Variants in DNAJC17 observed in about 807,000 individuals in gnomAD.
DNAJC17 encodes dnaJ homolog subfamily C member 17.
Under a neutral mutation model 48.1 loss-of-function variants are expected in DNAJC17, and 35 were observed. That is an observed-to-expected ratio of 0.73 (90% CI 0.56 to 0.96). The LOEUF (loss-of-function observed/expected upper bound fraction) is 0.96, where lower values mean the gene tolerates loss of function less well. Among genes scored for constraint, DNAJC17 ranks in the 50% least tolerant of loss-of-function variants. The probability of loss-of-function intolerance (pLI) is 0.00; values close to 1 mark genes in which losing one functional copy is unlikely to be tolerated. For missense variants in DNAJC17, 355 were observed against 377.1 expected, an observed-to-expected ratio of 0.94 and a Z score of 0.48; for synonymous variants, 117 against 142.7, an observed-to-expected ratio of 0.82 and a Z score of 1.28.
chr15:40,787,862 A>G lies in DNAJC17; in HGVS notation c.79-7865T>C, dbSNP rs531960493. Among the ~76,000 whole-genome samples the G allele has an allele frequency of 1.6e-4, 24 of 152,346 alleles. No individual in the cohort carries two copies. In the East Asian group the frequency reaches 4.6e-3, roughly 29 times the overall value. ...GGGATCCAATAAATACAAAATAGCC[A>G]TCATTAACTTAAAAGAAAGGTGCCC... On this transcript the variant is annotated intron_variant, in intron 1 of 10. Coordinates refer to ENST00000220496, the MANE Select transcript of DNAJC17 (RefSeq NM_018163.3).
At chr15:40,771,955 C>T (rs1889154512) in intron 10 of DNAJC17, 1 of 167,068 alleles carries the variant, frequency 6.0e-6, no homozygotes, top group Non-Finnish European at 1.5e-5. Flanking sequence ...AGGAAGGCAG[C>T]TCTAGAGAAT....
chr15:40,800,849 C>G (rs919565317), intron 1 of DNAJC17, among the ~76,000 whole-genome samples: 1 of 151,806 alleles, frequency 6.6e-6, no homozygotes, highest in Non-Finnish European at 1.5e-5. Context: ...ATCTCGGCTA[C>G]TCCGGAGACT....
At position 40,767,446 on chromosome 15, in the gene DNAJC17, T is replaced by A; in HGVS notation, c.*494A>T. The A allele has an allele frequency of 7.4e-7, 1 of 1,344,546 alleles. No individual in the cohort carries two copies. Among genetic ancestry groups the A allele is most frequent in the African/African-American group, 1.5e-5 (1 of 65,820 alleles). 83.3% of individuals were successfully genotyped at this position (1,344,546 alleles called of 1,614,324 possible). A position where few individuals can be genotyped will look rare whatever the true frequency, so the allele number is the denominator to read the frequency against. On this transcript the variant is annotated 3_prime_UTR_variant, in exon 11 of 11. Transcript: ENST00000220496. ...TGCCTCACCGTCTGCCTTGCTCCTC[T>A]CTTCCCAAATCATCACCGCCATGGG...
In DNAJC17 at chr15:40,765,531, C is replaced by T. The variant is rs1211980367; in HGVS notation, c.*2409G>A. 1.7e-5 allele frequency: 4 copies of T among 230,350 alleles called. No homozygotes were observed. Among genetic ancestry groups the T allele is most frequent in the Non-Finnish European group, 3.3e-5 (4 of 119,512 alleles). The allele number at this position is 230,350 out of a possible 1,614,324, so 14.3% of individuals were successfully genotyped here. On this transcript the variant is annotated 3_prime_UTR_variant, in exon 11 of 11. Coordinates refer to ENST00000220496, the MANE Select transcript of DNAJC17 (RefSeq NM_018163.3). ...GGCTCACTGCAGCCTCAAACTCCTC[C>T]CACCTCAAGCGATCCTCCCACCTCA...
intron 1 of DNAJC17, among the ~76,000 whole-genome samples, chr15:40,788,158 C>A (rs886800524): frequency 6.6e-6 from 1 of 152,154 alleles, no homozygotes. Context: ...TCTCCCCAAG[C>A]CCGGAGAGGC....
chr15:40,797,357 G>A (rs1164978559), intron 1 of DNAJC17, among the ~76,000 whole-genome samples: 5 of 151,958 alleles, frequency 3.3e-5, no homozygotes, highest in South Asian at 2.1e-4. Context: ...GCAATAGAGC[G>A]AGACCCTGTT....
In DNAJC17 at chr15:40,767,981, C is replaced by CGAT. The variant is rs1334287621; in HGVS notation, c.871_873dup (p.Ile291dup). 8 of 1,611,056 alleles carry CGAT rather than the reference C, an allele frequency of 5.0e-6. No individual in the cohort carries two copies. Among genetic ancestry groups the CGAT allele is most frequent in the African/African-American group, 1.3e-5 (1 of 74,630 alleles). ...TCCTGGTCTTCCTGCTGCATCCGTGCGATCAGCTGTTGCCGCTCGGCCGCC... is the reference window on the plus strand; with the variant it reads ...TCCTGGTCTTCCTGCTGCATCCGTGCGATGATCAGCTGTTGCCGCTCGGCCGCC... On this transcript the variant is annotated inframe_insertion, in exon 11 of 11. Coordinates refer to ENST00000220496, the MANE Select transcript of DNAJC17 (RefSeq NM_018163.3).
At chr15:40,788,258 G>T (rs1488526938) in intron 1 of DNAJC17, among the ~76,000 whole-genome samples, 1 of 152,180 alleles carries the variant, frequency 6.6e-6, no homozygotes, top group Non-Finnish European at 1.5e-5. Flanking sequence ...AGAGCTCTGG[G>T]CACCTGCCTA....
intron 1 of DNAJC17, among the ~76,000 whole-genome samples, chr15:40,804,013 T>A (rs1235962191): frequency 6.7e-6 from 1 of 149,032 alleles, no homozygotes; most frequent in African/African-American, 2.5e-5. Flanking sequence ...CACCCTGTCA[T>A]CCAGGCTGGA....
intron 4 of DNAJC17, among the ~76,000 whole-genome samples, chr15:40,778,182 G>T (rs897796473): frequency 7.4e-4 from 112 of 150,358 alleles, no homozygotes; most frequent in Non-Finnish European, 1.3e-3. Context: ...ACAAAACCCC[G>T]TCTTTCTTTA....
chr15:40,767,238 C>G lies in DNAJC17; in HGVS notation c.*702G>C. On this transcript the variant is annotated 3_prime_UTR_variant, in exon 11 of 11. Coordinates refer to ENST00000220496, the MANE Select transcript of DNAJC17 (RefSeq NM_018163.3). ...TGTCTCTTTGCAGTTATGAATACTACGTCGATGACCCTCCCCGCATAGTCC... is the reference window on the plus strand; with the variant it reads ...TGTCTCTTTGCAGTTATGAATACTAGGTCGATGACCCTCCCCGCATAGTCC... 1 of 1,564,270 alleles carries G rather than the reference C, an allele frequency of 6.4e-7. No homozygotes were observed. The highest frequency in any genetic ancestry group is 1.2e-5 in the South Asian group (1 of 84,834).
intron 1 of DNAJC17, among the ~76,000 whole-genome samples, chr15:40,782,208 G>A (rs1889520752): frequency 6.6e-6 from 1 of 151,946 alleles, no homozygotes; most frequent in Non-Finnish European, 1.5e-5. Flanking sequence ...AGGTGACAGA[G>A]TGAGACCTTG....
chr15:40,776,432 C>T (rs779518441), intron 5 of DNAJC17, 110 bp downstream of exon 5: 11 of 1,478,388 alleles, frequency 7.4e-6, no homozygotes, highest in Middle Eastern at 1.7e-4. Flanking sequence ...CCAGCTCCCA[C>T]TGAAGGTGCA....
At chr15:40,798,484 G>C (rs1889994585) in intron 1 of DNAJC17, among the ~76,000 whole-genome samples, 1 of 152,136 alleles carries the variant, frequency 6.6e-6, no homozygotes. Context: ...AATCAAAAAG[G>C]ATTAAAATGG....
chr15:40,799,098 G>A (rs184504109), intron 1 of DNAJC17, among the ~76,000 whole-genome samples: 4 of 151,974 alleles, frequency 2.6e-5, no homozygotes, highest in East Asian at 1.9e-4. Context: ...GGTGGCGGGC[G>A]CCTGTAGTCC....
At chr15:40,804,715 A>G (rs1361774078) in intron 1 of DNAJC17, among the ~76,000 whole-genome samples, 1 of 152,174 alleles carries the variant, frequency 6.6e-6, no homozygotes, top group Admixed American at 6.5e-5. Flanking sequence ...GAAACTCTAG[A>G]TTTCAGCCGG....
chr15:40,789,653 G>A (rs1395539912), intron 1 of DNAJC17, among the ~76,000 whole-genome samples: 2 of 151,906 alleles, frequency 1.3e-5, no homozygotes, highest in African/African-American at 2.4e-5. Context: ...CACTTCCTCT[G>A]CCCAGTCTCT....
intron 1 of DNAJC17, chr15:40,780,462 T>A (rs1889452690): frequency 1.0e-5 from 4 of 393,414 alleles, no homozygotes; most frequent in Non-Finnish European, 2.0e-5. Flanking sequence ...AAGGATGCTC[T>A]CTACAACACT....
chr15:40,802,378 C>T (rs1442041763), intron 1 of DNAJC17, among the ~76,000 whole-genome samples: 1 of 151,996 alleles, frequency 6.6e-6, no homozygotes, highest in Non-Finnish European at 1.5e-5. Flanking sequence ...CCCTGTTGGC[C>T]AGGCTGTCTA....
Sources: allele counts gnomAD v4.1 joint callset (sites outside exome capture counted in the v4.1 genomes callset), GRCh38; gene constraint gnomAD v4.1.1; transcripts MANE v1.5; gene names NCBI Gene and HGNC (gene_info 2026-07-23, HGNC 2026-07-21).